The following GALNT11 variants were observed in gnomAD, a reference collection of about 807,000 sequenced individuals.
GALNT11 encodes polypeptide N-acetylgalactosaminyltransferase 11.
In GALNT11, 47 loss-of-function variants were observed where a neutral mutation model predicts 72.7. The ratio of observed to expected loss-of-function variants is 0.65; its 90% CI spans 0.51 to 0.82. The LOEUF is 0.82. Ranked by LOEUF, GALNT11 falls within the 40% of genes least tolerant of loss-of-function variation. The pLI, the probability that GALNT11 is intolerant of heterozygous loss-of-function variation, is 0.00. For missense variants in GALNT11, 677 were observed against 778.4 expected (o/e 0.87, Z 1.55); for synonymous variants, 270 against 286.6 (o/e 0.94, Z 0.58).
chr7:152,122,301 A>T lies in GALNT11; in HGVS notation c.*624A>T, dbSNP rs2089476989. 6.6e-6 allele frequency: 1 copy of T among 152,242 alleles called. No individual in the cohort carries two copies. The highest frequency in any genetic ancestry group is 2.4e-5 in the African/African-American group (1 of 41,450). The allele number at this position is 152,242 out of a possible 1,614,324, so 9.4% of individuals were successfully genotyped here. A position where few individuals can be genotyped will look rare whatever the true frequency, so the allele number is the denominator to read the frequency against. ...GTTAATTATAAAATTATTTTGATGA[A>T]TTATGATACAATCTACATAATAAAG... is the stretch of plus-strand genomic sequence containing the variant. On this transcript the variant is annotated 3_prime_UTR_variant, in exon 12 of 12. Transcript: ENST00000430044.
At chr7:152,101,161 G>A (rs949427277) in intron 3 of GALNT11, among the ~76,000 whole-genome samples, 1 of 152,234 alleles carries the variant, frequency 6.6e-6, no homozygotes. Context: ...TGGGGAAGCA[G>A]AGTAGGGTGC....
At chr7:152,038,162 C>CA (rs1206989133) in intron 1 of GALNT11, among the ~76,000 whole-genome samples, 1 of 152,162 alleles carries the variant, frequency 6.6e-6, no homozygotes, top group Non-Finnish European at 1.5e-5. Flanking sequence ...GACCCTTACC[C>CA]AGCGGCGCTA....
At chr7:152,042,271 TAGC>T (rs1470268475) in intron 1 of GALNT11, among the ~76,000 whole-genome samples, 2 of 152,234 alleles carry the variant, frequency 1.3e-5, no homozygotes, top group Non-Finnish European at 2.9e-5. Flanking sequence ...TTTGGAATCA[TAGC>T]AGGAGAAGGC....
At chr7:152,032,006 G>A (rs1435081731) in intron 1 of GALNT11, among the ~76,000 whole-genome samples, 1 of 152,190 alleles carries the variant, frequency 6.6e-6, no homozygotes, top group Non-Finnish European at 1.5e-5. Context: ...GGTCCCTCTG[G>A]CTAAGATTAG....
chr7:152,032,686 A>AT, intron 1 of GALNT11, among the ~76,000 whole-genome samples: 1 of 152,282 alleles, frequency 6.6e-6, no homozygotes, highest in South Asian at 2.1e-4. Context: ...CTGGGCAGGC[A>AT]TTTTTTGCCC....
chr7:152,064,682 G>A (rs28814906), intron 1 of GALNT11, among the ~76,000 whole-genome samples: 7,473 of 152,228 alleles, frequency 0.049, 626 homozygotes, highest in African/African-American at 0.17. Context: ...TTGCTTGTCT[G>A]TAAAGGATTT....
At chr7:152,055,632 A>G (rs2083636035) in intron 1 of GALNT11, among the ~76,000 whole-genome samples, 2 of 151,230 alleles carry the variant, frequency 1.3e-5, no homozygotes, top group South Asian at 4.2e-4. Flanking sequence ...TTAAGAGGAT[A>G]CTTTTTAAAT....
At chr7:152,061,446 TTTCTTTTGC>T (rs1342390805) in intron 1 of GALNT11, among the ~76,000 whole-genome samples, 10 of 152,238 alleles carry the variant, frequency 6.6e-5, no homozygotes, top group African/African-American at 2.2e-4. Flanking sequence ...CTGATGGTAG[TTTCTTTTGC>T]TGTGCAGAAG....
Position 152,108,159 on chromosome 7 carries a change from C to T in GALNT11, c.834C>T (p.Ser278=), listed in dbSNP as rs199994793. The change falls in exon 6 of 12, where the codon AGC becomes AGT. Residue 278 remains serine, a synonymous_variant. Coordinates refer to ENST00000430044, the MANE Select transcript of GALNT11 (RefSeq NM_022087.4). ...TVVCPVIDII[S]ADTLAYSSSP... The stretch of plus-strand genomic sequence containing the variant: ...TGTGCCCAGTGATTGACATCATCAG[C>T]GCCGACACGCTGGCCTACAGCTCGT... 3.0e-5 allele frequency: 49 copies of T among 1,614,102 alleles called. No homozygotes were observed. Among genetic ancestry groups the T allele is most frequent in the African/African-American group, 4.0e-5 (3 of 75,036 alleles).
At chr7:152,119,520 C>T (rs1281180001) in intron 10 of GALNT11, 1 of 152,062 alleles carries the variant, frequency 6.6e-6, no homozygotes, top group African/African-American at 2.4e-5. Flanking sequence ...ATCCAGCGCT[C>T]CACCAGAAGA....
intron 1 of GALNT11, among the ~76,000 whole-genome samples, chr7:152,071,537 A>C (rs993175645): frequency 9.2e-5 from 14 of 152,134 alleles, no homozygotes; most frequent in Non-Finnish European, 1.6e-4. Context: ...CATGCTGTAC[A>C]ATTTGTGCAG....
At chr7:152,075,922 C>T (rs375501918) in intron 1 of GALNT11, among the ~76,000 whole-genome samples, 3 of 151,390 alleles carry the variant, frequency 2.0e-5, no homozygotes, top group South Asian at 4.2e-4. Flanking sequence ...ATTAGCTGGC[C>T]GTGGTGGCGG....
intron 1 of GALNT11, among the ~76,000 whole-genome samples, chr7:152,031,660 C>T (rs1333673381): frequency 1.3e-5 from 2 of 152,162 alleles, no homozygotes; most frequent in African/African-American, 4.8e-5. Context: ...AGTTGTCAGA[C>T]ACGAGTCTGA....
intron 10 of GALNT11, 64 bp from the exon 11 acceptor site, chr7:152,120,767 T>C: frequency 1.5e-6 from 2 of 1,351,090 alleles, no homozygotes; most frequent in East Asian, 2.3e-5. Flanking sequence ...TGTGGAAGAA[T>C]ATGCAAAGTG....
intron 2 of GALNT11, among the ~76,000 whole-genome samples, chr7:152,098,424 C>CA (rs544303019): frequency 6.7e-6 from 1 of 149,746 alleles, no homozygotes; most frequent in East Asian, 1.9e-4. Context: ...GACCCTGTCT[C>CA]AAAAAAAATA....
chr7:152,083,380 A>G (rs2085430746), intron 1 of GALNT11, among the ~76,000 whole-genome samples: 1 of 152,194 alleles, frequency 6.6e-6, no homozygotes, highest in African/African-American at 2.4e-5. Flanking sequence ...ATGGCTAAAC[A>G]GTTGTTCTGA....
intron 1 of GALNT11, among the ~76,000 whole-genome samples, chr7:152,093,779 G>C (rs2086195615): frequency 6.6e-6 from 1 of 152,052 alleles, no homozygotes; most frequent in Non-Finnish European, 1.5e-5. Context: ...AAGATCCTTG[G>C]ATTAAAAAAA....
intron 1 of GALNT11, among the ~76,000 whole-genome samples, chr7:152,051,199 G>GTTTTTTTTTTGTTTTT (rs2083379904): frequency 2.1e-5 from 1 of 46,808 alleles, no homozygotes; most frequent in Non-Finnish European, 4.9e-5. Flanking sequence ...ATATCTGGTT[G>GTTTTTTTTTTGTTTTT]TTTTTTTTTT....
chr7:152,062,735 T>G (rs1281599185), intron 1 of GALNT11, among the ~76,000 whole-genome samples: 2 of 152,256 alleles, frequency 1.3e-5, no homozygotes, highest in Non-Finnish European at 2.9e-5. Flanking sequence ...GTGTGGTTTT[T>G]GTCTTTGTTC....
Sources: allele counts gnomAD v4.1 joint callset (sites outside exome capture counted in the v4.1 genomes callset), GRCh38; gene constraint gnomAD v4.1.1; transcripts MANE v1.5; gene names NCBI Gene and HGNC (gene_info 2026-07-23, HGNC 2026-07-21).